THEMIS: variants seen among roughly 807,000 people sequenced by gnomAD.
THEMIS encodes the protein thymocyte selection associated, also known as protein THEMIS.
In THEMIS, 37 loss-of-function variants were observed where a neutral mutation model predicts 52.6. That is an observed-to-expected ratio of 0.70 (90% confidence interval 0.54 to 0.93). THEMIS has a LOEUF of 0.93. Ranked by LOEUF, THEMIS falls within the 40% of genes least tolerant of loss-of-function variation. The pLI is 0.00. For synonymous variants in THEMIS, 292 were observed against 272.7 expected (o/e 1.07, Z -0.70); for missense variants, 808 against 763.1 (o/e 1.06, Z -0.69).
chr6:127,798,358 T>C (rs1230141341), intron 4 of THEMIS, among the ~76,000 whole-genome samples: 1 of 152,170 alleles, frequency 6.6e-6, no homozygotes, highest in Non-Finnish European at 1.5e-5. Context: ...ATTTTTTTTT[T>C]CTTTTATTAT....
intron 2 of THEMIS, among the ~76,000 whole-genome samples, chr6:127,846,178 T>C (rs1287731368): frequency 6.7e-6 from 1 of 150,124 alleles, no homozygotes. Context: ...AATGCAGACT[T>C]TACAGATTTA....
At chr6:127,729,845 C>T (rs927038440) in intron 4 of THEMIS, among the ~76,000 whole-genome samples, 1 of 152,258 alleles carries the variant, frequency 6.6e-6, no homozygotes, top group African/African-American at 2.4e-5. Flanking sequence ...TATATGGATC[C>T]AAACAGGAAA....
rs2114498562 is a variant in THEMIS, at chr6:127,785,215, C to CGATCT, written c.1758+27667_1758+27668insAGATC. Among the ~76,000 whole-genome samples, 2 of 90,044 alleles carry CGATCT rather than the reference C, an allele frequency of 2.2e-5. 1 individual carries two copies. Among genetic ancestry groups the CGATCT allele is most frequent in the Middle Eastern group, 0.011 (2 of 186 alleles). The allele number at this position is 90,044 out of a possible 152,430, so 59.1% of individuals were successfully genotyped here. On this transcript the variant is annotated intron_variant, in intron 4 of 5. Coordinates refer to ENST00000368248, the MANE Select transcript of THEMIS (RefSeq NM_001010923.3). ...TATTATCTACCTACCTACCTATTAT[C>CGATCT]TATCTTATCTATCTATCTATCTATC...
chr6:127,906,747 G>T (rs900907215), intron 1 of THEMIS, among the ~76,000 whole-genome samples: 4 of 151,980 alleles, frequency 2.6e-5, no homozygotes, highest in Non-Finnish European at 5.9e-5. Context: ...CTAAAGAACA[G>T]AGAAGGACTT....
intron 4 of THEMIS, among the ~76,000 whole-genome samples, chr6:127,801,547 A>T (rs1562266095): frequency 6.6e-6 from 1 of 152,112 alleles, no homozygotes; most frequent in African/African-American, 2.4e-5. Flanking sequence ...GAAGCTGGAG[A>T]CACTGAGTTT....
At chr6:127,727,068 C>T (rs1032263128) in intron 4 of THEMIS, among the ~76,000 whole-genome samples, 3 of 152,160 alleles carry the variant, frequency 2.0e-5, no homozygotes, top group Non-Finnish European at 4.4e-5. Context: ...ATTTTAGAGA[C>T]GCTATGGCAA....
chr6:127,735,036 C>G (rs1051484067), intron 4 of THEMIS, among the ~76,000 whole-genome samples: 1 of 149,604 alleles, frequency 6.7e-6, no homozygotes, highest in African/African-American at 2.5e-5. Flanking sequence ...AATAATCTCT[C>G]CCTTCTAAAG....
intron 1 of THEMIS, among the ~76,000 whole-genome samples, chr6:127,915,130 A>C (rs1295936383): frequency 6.6e-6 from 1 of 152,180 alleles, no homozygotes; most frequent in Non-Finnish European, 1.5e-5. Flanking sequence ...GAACCACAGA[A>C]AACACTTTTG....
upstream of THEMIS, among the ~76,000 whole-genome samples, chr6:127,901,996 G>T (rs999832128): frequency 3.9e-5 from 6 of 152,008 alleles, no homozygotes; most frequent in African/African-American, 9.6e-5. Flanking sequence ...AATTAAAGGT[G>T]GTAGTTCCTA....
intron 2 of THEMIS, among the ~76,000 whole-genome samples, chr6:127,847,410 A>C (rs1022842472): frequency 6.6e-6 from 1 of 152,018 alleles, no homozygotes; most frequent in Non-Finnish European, 1.5e-5. Context: ...AAAAGCTCCC[A>C]GATCTGATAA....
downstream of THEMIS, among the ~76,000 whole-genome samples, chr6:127,703,344 G>T (rs888519785): frequency 1.3e-5 from 2 of 152,150 alleles, no homozygotes; most frequent in African/African-American, 4.8e-5. Context: ...ACCGCGCCCG[G>T]CTAGAATGAG....
intron 1 of THEMIS, among the ~76,000 whole-genome samples, chr6:127,914,096 C>A (rs867017382): frequency 6.6e-6 from 1 of 152,066 alleles, no homozygotes; most frequent in South Asian, 2.1e-4. Context: ...ATACACATAA[C>A]CTGAATGTAA....
At chr6:127,867,798 T>C (rs555364403) in intron 1 of THEMIS, among the ~76,000 whole-genome samples, 3 of 152,274 alleles carry the variant, frequency 2.0e-5, no homozygotes, top group African/African-American at 7.2e-5. Flanking sequence ...TTTTACATTG[T>C]CTTATCGAGG....
At chr6:127,770,104 A>G (rs1273635963) in intron 4 of THEMIS, among the ~76,000 whole-genome samples, 2 of 152,188 alleles carry the variant, frequency 1.3e-5, no homozygotes, top group African/African-American at 2.4e-5. Flanking sequence ...TGTCTTTATA[A>G]CAGCATGATT....
At chr6:127,703,455 C>T (rs1350483149), downstream of THEMIS, among the ~76,000 whole-genome samples, 7 of 152,054 alleles carry the variant, frequency 4.6e-5, no homozygotes, top group Non-Finnish European at 1.0e-4. Context: ...ATAGCAAGTA[C>T]TATGTGGGGC....
At chr6:127,718,336 T>C (rs1774242568) in intron 5 of THEMIS, among the ~76,000 whole-genome samples, 1 of 151,888 alleles carries the variant, frequency 6.6e-6, no homozygotes, top group Non-Finnish European at 1.5e-5. Context: ...CTCACTTGCC[T>C]AGAACCACTG....
chr6:127,902,691 A>G (rs969485846), upstream of THEMIS, among the ~76,000 whole-genome samples: 2 of 152,042 alleles, frequency 1.3e-5, no homozygotes, highest in African/African-American at 2.4e-5. Flanking sequence ...ATTAGATTCA[A>G]ATTCCTCACT....
chr6:127,739,930 T>C (rs749292457), intron 4 of THEMIS, among the ~76,000 whole-genome samples: 1 of 152,190 alleles, frequency 6.6e-6, no homozygotes, highest in Non-Finnish European at 1.5e-5. Flanking sequence ...TTCGCTGGCG[T>C]GCACTGTTGA....
At chr6:127,864,367 C>T (rs1444755157) in intron 1 of THEMIS, among the ~76,000 whole-genome samples, 3 of 152,028 alleles carry the variant, frequency 2.0e-5, no homozygotes, top group Admixed American at 6.6e-5. Flanking sequence ...TTTTGATTTA[C>T]AAGAGCTGTT....
Sources: gnomAD v4.1 joint callset for allele counts (sites outside exome capture counted in the v4.1 genomes callset) on GRCh38, gnomAD v4.1.1 for gene constraint, MANE v1.5 for transcripts, NCBI Gene and HGNC (gene_info 2026-07-23, HGNC 2026-07-21) for gene names.